ZCCHC17: variants seen among roughly 807,000 people sequenced by gnomAD.
The protein encoded by ZCCHC17 is zinc finger CCHC-type containing 17, also known as zinc finger CCHC domain-containing protein 17.
ZCCHC17 carries 18 observed loss-of-function variants against 30.6 expected under a neutral mutation model. The ratio of observed to expected loss-of-function variants is 0.59; its 90% CI spans 0.41 to 0.87. The LOEUF is 0.87. ZCCHC17 is among the 40% of genes least tolerant of loss of function. The probability of loss-of-function intolerance (pLI) is 0.00; values close to 1 mark genes in which losing one functional copy is unlikely to be tolerated. For missense variants in ZCCHC17, 263 were observed against 284.2 expected (o/e 0.93, Z 0.54); for synonymous variants, 88 against 92.4 (o/e 0.95, Z 0.27).
intron 5 of ZCCHC17, among the ~76,000 whole-genome samples, chr1:31,339,803 T>C (rs1309834456): frequency 3.3e-5 from 5 of 152,128 alleles, no homozygotes; most frequent in African/African-American, 1.2e-4. Flanking sequence ...CAGCGGGGTT[T>C]AGACTCCCAC....
rs187087338 is a variant in ZCCHC17 at position 31,330,525 on chromosome 1, G to A, written c.125-6650G>A. On this transcript the variant is annotated intron_variant, in intron 3 of 7. Coordinates refer to ENST00000344147, the MANE Select transcript of ZCCHC17 (RefSeq NM_016505.4). ...TTGTTTGTTTCTGTTTGATTTTGGA[G>A]CATATGCTAGAACAGAATTAGATGT... Among the ~76,000 whole-genome samples the A allele has an allele frequency of 1.2e-3, 179 of 152,242 alleles. 1 individual carries two copies. Among genetic ancestry groups the A allele is most frequent in the Admixed American group, 9.7e-3 (148 of 15,286 alleles).
intron 1 of ZCCHC17, among the ~76,000 whole-genome samples, chr1:31,301,161 T>C (rs752332722): frequency 3.0e-4 from 46 of 152,204 alleles, no homozygotes; most frequent in Admixed American, 3.0e-3. Flanking sequence ...GAATTAACAA[T>C]TTAAATGGGG....
At chr1:31,308,341 A>G (rs906677411) in intron 1 of ZCCHC17, among the ~76,000 whole-genome samples, 1 of 152,240 alleles carries the variant, frequency 6.6e-6, no homozygotes, top group Non-Finnish European at 1.5e-5. Flanking sequence ...GTGGGATAAT[A>G]CTAGAACAAG....
At chr1:31,330,514 T>G (rs944306718) in intron 3 of ZCCHC17, among the ~76,000 whole-genome samples, 4 of 152,202 alleles carry the variant, frequency 2.6e-5, no homozygotes, top group African/African-American at 9.7e-5. Flanking sequence ...TTGTTTCTGT[T>G]TGATTTTGGA....
At chr1:31,313,310 G>A (rs553635630) in intron 2 of ZCCHC17, among the ~76,000 whole-genome samples, 1 of 152,202 alleles carries the variant, frequency 6.6e-6, no homozygotes, top group East Asian at 1.9e-4. Context: ...CTGAGCTCAA[G>A]TGATCTGCCC....
intron 7 of ZCCHC17, 23 bp from the exon 8 acceptor site, chr1:31,364,009 G>T: frequency 1.2e-6 from 2 of 1,607,236 alleles, no homozygotes; most frequent in South Asian, 2.2e-5. Flanking sequence ...ATACAGTGTT[G>T]ATTTTTAAAA....
intron 5 of ZCCHC17, among the ~76,000 whole-genome samples, chr1:31,340,453 G>A (rs11582422): frequency 0.54 from 82,319 of 151,556 alleles, 23,268 homozygotes; most frequent in Non-Finnish European, 0.62. Context: ...CAGTAGCTGG[G>A]ATTACAGGCA....
At chr1:31,309,755 C>T (rs1158166407) in intron 1 of ZCCHC17, among the ~76,000 whole-genome samples, 4 of 152,008 alleles carry the variant, frequency 2.6e-5, no homozygotes, top group Non-Finnish European at 5.9e-5. Context: ...TTCCCACCCT[C>T]CCCCAAAATT....
intron 2 of ZCCHC17, chr1:31,318,329 G>A (rs529260381): frequency 1.9e-6 from 2 of 1,062,896 alleles, no homozygotes; most frequent in South Asian, 3.0e-5. Flanking sequence ...ACAGGTTGGG[G>A]GATGGGGTAG....
intron 2 of ZCCHC17, among the ~76,000 whole-genome samples, 189 bp from the exon 3 acceptor site, chr1:31,318,920 A>G (rs139715378): frequency 6.6e-6 from 1 of 152,288 alleles, no homozygotes; most frequent in African/African-American, 2.4e-5. Flanking sequence ...TAATGTGTAC[A>G]CACATACCTG....
intron 2 of ZCCHC17, among the ~76,000 whole-genome samples, chr1:31,314,223 A>G (rs1646676525): frequency 6.6e-6 from 1 of 152,156 alleles, no homozygotes; most frequent in Non-Finnish European, 1.5e-5. Context: ...ATATATTACT[A>G]TCAAGGATGG....
chr1:31,335,179 C>T (rs1638767271), intron 3 of ZCCHC17, among the ~76,000 whole-genome samples: 1 of 152,216 alleles, frequency 6.6e-6, no homozygotes, highest in South Asian at 2.1e-4. Context: ...TCTTGTTTAC[C>T]AGTGCTCTTC....
intron 2 of ZCCHC17, among the ~76,000 whole-genome samples, chr1:31,317,137 G>A (rs534822683): frequency 6.8e-6 from 1 of 146,330 alleles, no homozygotes; most frequent in Non-Finnish European, 1.5e-5. Context: ...TGATTTTTCT[G>A]TCTCAGCCTC....
intron 1 of ZCCHC17, among the ~76,000 whole-genome samples, chr1:31,302,400 T>A (rs1247330632): frequency 6.6e-6 from 1 of 152,216 alleles, no homozygotes; most frequent in Non-Finnish European, 1.5e-5. Context: ...AACTGAGTAC[T>A]TGTAGTATAC....
intron 2 of ZCCHC17, among the ~76,000 whole-genome samples, chr1:31,317,027 T>TC (rs940726014): frequency 1.4e-5 from 2 of 144,938 alleles, no homozygotes; most frequent in African/African-American, 2.6e-5. Flanking sequence ...TTTTTTTCTT[T>TC]TTTTTTTTTT....
intron 3 of ZCCHC17, among the ~76,000 whole-genome samples, chr1:31,333,439 C>T (rs1638674605): frequency 6.6e-6 from 1 of 152,186 alleles, no homozygotes; most frequent in Admixed American, 6.5e-5. Context: ...AGGAGAATCA[C>T]TTGAACCCAG....
At chr1:31,304,863 G>T (rs1251156586) in intron 1 of ZCCHC17, among the ~76,000 whole-genome samples, 1 of 152,168 alleles carries the variant, frequency 6.6e-6, no homozygotes, top group Non-Finnish European at 1.5e-5. Context: ...CCAAAGTGCT[G>T]GGATTACAGG....
chr1:31,363,803 C>T (rs1234552186), intron 7 of ZCCHC17, among the ~76,000 whole-genome samples: 1 of 152,022 alleles, frequency 6.6e-6, no homozygotes, highest in African/African-American at 2.4e-5. Flanking sequence ...TTAAGTGGTC[C>T]CCTATTGATT....
At chr1:31,334,873 G>A (rs6662882) in intron 3 of ZCCHC17, among the ~76,000 whole-genome samples, 64 of 152,246 alleles carry the variant, frequency 4.2e-4, no homozygotes, top group African/African-American at 1.5e-3. Context: ...AAAATACATT[G>A]AATATTTTGA....
Sources: allele counts gnomAD v4.1 joint callset (sites outside exome capture counted in the v4.1 genomes callset), GRCh38; gene constraint gnomAD v4.1.1; transcripts MANE v1.5; gene names NCBI Gene and HGNC (gene_info 2026-07-23, HGNC 2026-07-21).